The following TENM4 variants were observed in gnomAD, a reference collection of about 807,000 sequenced individuals.
TENM4 encodes the protein teneurin-4.
A neutral mutation model predicts 243.3 loss-of-function variants in TENM4; 82 were observed. The ratio of observed to expected loss-of-function variants is 0.34; its 90% CI spans 0.28 to 0.40. TENM4 has a LOEUF of 0.40. Ranked by LOEUF, TENM4 falls within the 10% of genes least tolerant of loss-of-function variation. TENM4 has a pLI of 1.00. For missense variants in TENM4, 3,138 were observed against 3,673.3 expected (o/e 0.85, Z 3.77); for synonymous variants, 1,412 against 1,456.3 (o/e 0.97, Z 0.69).
chr11:78,929,713 A>G (rs745791430), intron 6 of TENM4, among the ~76,000 whole-genome samples: 1 of 151,848 alleles, frequency 6.6e-6, no homozygotes, highest in Non-Finnish European at 1.5e-5. Context: ...AGCCAAGCCA[A>G]GCTTCAGGTG....
intron 1 of TENM4, among the ~76,000 whole-genome samples, chr11:79,378,157 A>C (rs1857929692): frequency 6.6e-6 from 1 of 152,252 alleles, no homozygotes; most frequent in African/African-American, 2.4e-5. Context: ...TTAGAAAGGC[A>C]ACAGCTTCTC....
intron 4 of TENM4, among the ~76,000 whole-genome samples, chr11:79,082,483 G>A (rs188908921): frequency 6.6e-6 from 1 of 152,280 alleles, no homozygotes; most frequent in East Asian, 1.9e-4. Flanking sequence ...TCCTTCCACG[G>A]CCTCAGTTTT....
intron 3 of TENM4, among the ~76,000 whole-genome samples, chr11:79,201,896 C>T (rs1205699505): frequency 2.6e-5 from 4 of 152,146 alleles, no homozygotes; most frequent in Non-Finnish European, 2.9e-5. Flanking sequence ...CAGGGAGACA[C>T]TGGGGAGGCT....
At position 78,815,380 on chromosome 11, in the gene TENM4, T is replaced by C. The variant is rs546225353; in HGVS notation, c.1682-985A>G. ...TAGACTGGGCAACAGAGTGAGACTG[T>C]GTCTCAAAAAAAAAAAAAGTTTTCT... On this transcript the variant is annotated intron_variant, in intron 12 of 33. Coordinates refer to ENST00000278550, the MANE Select transcript of TENM4 (RefSeq NM_001098816.3). 4.9e-5 allele frequency among the ~76,000 whole-genome samples: 7 copies of C among 143,316 alleles called. No homozygotes were observed. The South Asian group carries it at 1.5e-3, about 32-fold the overall frequency. The allele number at this position is 143,316 out of a possible 152,430, so 94.0% of individuals were successfully genotyped here. A position where few individuals can be genotyped will look rare whatever the true frequency, so the allele number is the denominator to read the frequency against.
At chr11:79,099,287 A>G (rs1861163558) in intron 4 of TENM4, among the ~76,000 whole-genome samples, 1 of 151,838 alleles carries the variant, frequency 6.6e-6, no homozygotes, top group Middle Eastern at 3.2e-3. Flanking sequence ...TTTGCTCCAG[A>G]CCCTCTCTCC....
chr11:78,960,901 C>T (rs1352842678), intron 6 of TENM4, among the ~76,000 whole-genome samples: 1 of 152,182 alleles, frequency 6.6e-6, no homozygotes, highest in East Asian at 1.9e-4. Context: ...TGGAGGGGAC[C>T]AGGCAATGAC....
intron 2 of TENM4, among the ~76,000 whole-genome samples, chr11:79,239,779 A>C (rs1190352068): frequency 1.3e-5 from 2 of 152,150 alleles, no homozygotes; most frequent in Non-Finnish European, 2.9e-5. Flanking sequence ...TGTGGGCTAA[A>C]CATCATTACC....
At chr11:79,396,949 G>A (rs536909169) in intron 1 of TENM4, among the ~76,000 whole-genome samples, 3 of 152,314 alleles carry the variant, frequency 2.0e-5, no homozygotes, top group South Asian at 4.1e-4. Flanking sequence ...ATTGATACAA[G>A]GGACTCTGCC....
At chr11:78,818,486 G>A (rs558601824) in intron 12 of TENM4, among the ~76,000 whole-genome samples, 19 of 152,288 alleles carry the variant, frequency 1.2e-4, no homozygotes, top group South Asian at 6.2e-4. Flanking sequence ...TGGGAGACAC[G>A]AAATAATTTT....
chr11:78,792,478 C>A (rs1279970119), intron 15 of TENM4, among the ~76,000 whole-genome samples: 1 of 152,032 alleles, frequency 6.6e-6, no homozygotes, highest in Non-Finnish European at 1.5e-5. Flanking sequence ...CCTGGCAACA[C>A]GTGAGCTCTT....
chr11:79,381,745 C>T (rs1446108678), intron 1 of TENM4, among the ~76,000 whole-genome samples: 1 of 151,928 alleles, frequency 6.6e-6, no homozygotes, highest in Admixed American at 6.6e-5. Flanking sequence ...TTCCTCCTGA[C>T]AGCCATATGA....
chr11:78,663,674 A>C (rs999270285), intron 32 of TENM4, among the ~76,000 whole-genome samples: 2 of 152,140 alleles, frequency 1.3e-5, no homozygotes, highest in African/African-American at 4.8e-5. Context: ...AGTTCCTTAT[A>C]AATTACCCAT....
In TENM4 at chr11:78,702,408, C is replaced by T; in HGVS notation, c.4210-5G>A. 2 of 1,605,754 alleles carry T rather than the reference C, an allele frequency of 1.2e-6. No individual in the cohort carries two copies. The highest frequency in any genetic ancestry group is 1.7e-6 in the Non-Finnish European group (2 of 1,175,528). ...TGTGGGCCACTCCAGGTGAACCTGA[C>T]AATGAAGACACCGATACTCAAATGA... is the stretch of plus-strand genomic sequence containing the variant. On this transcript the variant is annotated splice_polypyrimidine_tract_variant and splice_region_variant and intron_variant, in intron 27 of 33. Coordinates refer to ENST00000278550, the MANE Select transcript of TENM4 (RefSeq NM_001098816.3).
At chr11:78,999,741 G>C (rs973803525) in intron 6 of TENM4, among the ~76,000 whole-genome samples, 4 of 152,094 alleles carry the variant, frequency 2.6e-5, no homozygotes, top group Non-Finnish European at 5.9e-5. Context: ...AATAGAAACT[G>C]ACTGAGAGTG....
At chr11:79,310,436 T>C (rs1425482775) in intron 1 of TENM4, among the ~76,000 whole-genome samples, 1 of 152,150 alleles carries the variant, frequency 6.6e-6, no homozygotes, top group Non-Finnish European at 1.5e-5. Context: ...GTTTTGGGGG[T>C]CCAATAGGTG....
intron 4 of TENM4, among the ~76,000 whole-genome samples, chr11:79,082,151 A>G (rs905666103): frequency 6.6e-6 from 1 of 152,134 alleles, no homozygotes; most frequent in Non-Finnish European, 1.5e-5. Context: ...ACAACTCTCC[A>G]TATGCCACCT....
At chr11:78,783,944 T>G (rs1365803700) in intron 16 of TENM4, among the ~76,000 whole-genome samples, 2 of 152,354 alleles carry the variant, frequency 1.3e-5, no homozygotes, top group East Asian at 3.9e-4. Context: ...CTTTAAATTC[T>G]GTATTCCTGC....
chr11:78,991,975 C>T (rs901040300), intron 6 of TENM4, among the ~76,000 whole-genome samples: 4 of 152,172 alleles, frequency 2.6e-5, no homozygotes, highest in African/African-American at 9.7e-5. Flanking sequence ...TAATACCAAG[C>T]TATAAGGCTG....
chr11:79,005,181 G>A (rs1303526206), intron 6 of TENM4, among the ~76,000 whole-genome samples: 2 of 152,018 alleles, frequency 1.3e-5, no homozygotes, highest in African/African-American at 2.4e-5. Context: ...TCTACCAGAT[G>A]TATAAAGAAG....
Sources: allele counts gnomAD v4.1 joint callset (sites outside exome capture counted in the v4.1 genomes callset), GRCh38; gene constraint gnomAD v4.1.1; transcripts MANE v1.5; gene names NCBI Gene and HGNC (gene_info 2026-07-23, HGNC 2026-07-21).